Variants in BTG4 observed in about 807,000 individuals in gnomAD.
BTG4 encodes the protein BTG anti-proliferation factor 4.
In BTG4, 10 loss-of-function variants were observed where a neutral mutation model predicts 19.3. The observed-to-expected ratio is 0.52, with a 90% CI of 0.32 to 0.88. The LOEUF is 0.88. Ranked by LOEUF, BTG4 falls within the 40% of genes least tolerant of loss-of-function variation. The pLI, the probability that BTG4 is intolerant of heterozygous loss-of-function variation, is 0.04. For missense variants in BTG4, 238 were observed against 281.9 expected (o/e 0.84, Z 1.11); for synonymous variants, 91 against 95.7 (o/e 0.95, Z 0.29).
At chr11:111,385,109 A>T in the BTG4 span, 15 of 152,136 alleles carry the variant, frequency 9.9e-5, no homozygotes, top group African/African-American at 3.6e-4. Flanking sequence ...AAAAAATAAA[A>T]CAAAAGTTAA....
At chr11:111,497,181 A>T in intron 4 of BTG4, 30 bp downstream of exon 4, 1 of 1,579,594 alleles carries the variant, frequency 6.3e-7, no homozygotes, top group Non-Finnish European at 8.6e-7. Context: ...ATAGAAAAAA[A>T]GTATAGAAAA....
At chr11:111,437,420 G>A in the BTG4 span, among the ~76,000 whole-genome samples, 2 of 152,314 alleles carry the variant, frequency 1.3e-5, no homozygotes, top group East Asian at 1.9e-4. Context: ...TGGGTTGGGG[G>A]ATGAGGGGGA....
chr11:111,434,541 TATA>T, the BTG4 span, among the ~76,000 whole-genome samples: 3 of 150,360 alleles, frequency 2.0e-5, no homozygotes, highest in African/African-American at 4.9e-5. Flanking sequence ...GAACTTAAAG[TATA>T]ATAATAATTT....
the BTG4 span, among the ~76,000 whole-genome samples, chr11:111,449,097 T>C: frequency 6.6e-6 from 1 of 152,106 alleles, no homozygotes; most frequent in Non-Finnish European, 1.5e-5. Context: ...TTGCTGAATG[T>C]CTCAAGTCTC....
At chr11:111,409,082 G>C in the BTG4 span, among the ~76,000 whole-genome samples, 10 of 152,194 alleles carry the variant, frequency 6.6e-5, no homozygotes, top group Non-Finnish European at 1.5e-4. Context: ...GATGGGAATG[G>C]GTGTTTATGC....
the BTG4 span, among the ~76,000 whole-genome samples, chr11:111,406,646 G>C: frequency 6.6e-6 from 1 of 152,198 alleles, no homozygotes; most frequent in Non-Finnish European, 1.5e-5. Flanking sequence ...AGTTGGACCA[G>C]AAATGAGCAG....
chr11:111,409,253 T>C, the BTG4 span, among the ~76,000 whole-genome samples: 2 of 152,152 alleles, frequency 1.3e-5, no homozygotes, highest in African/African-American at 4.8e-5. Flanking sequence ...GTGGTTTAGA[T>C]ATAATTTGAC....
intron 5 of BTG4, among the ~76,000 whole-genome samples, chr11:111,483,047 G>A (rs569857634): frequency 6.6e-6 from 1 of 152,158 alleles, no homozygotes; most frequent in East Asian, 1.9e-4. Context: ...CCCCCTACAG[G>A]AACACCAAAT....
intron 5 of BTG4, among the ~76,000 whole-genome samples, chr11:111,489,271 G>A (rs1313511621): frequency 2.6e-5 from 4 of 152,102 alleles, no homozygotes; most frequent in Non-Finnish European, 4.4e-5. Context: ...GCATCAAAAA[G>A]ACAAGTAATA....
At chr11:111,495,411 G>T in intron 4 of BTG4, 97 bp from the exon 5 acceptor site, 1 of 1,048,748 alleles carries the variant, frequency 9.5e-7, no homozygotes, top group Non-Finnish European at 1.4e-6. Flanking sequence ...AGCATAGGGA[G>T]CACAAATGAA....
the BTG4 span, chr11:111,418,319 T>C: frequency 2.6e-5 from 4 of 152,358 alleles, no homozygotes; most frequent in African/African-American, 9.6e-5. Context: ...AGTGCTGTGC[T>C]AGATGCCATG....
the BTG4 span, among the ~76,000 whole-genome samples, chr11:111,453,778 G>C: frequency 6.6e-6 from 1 of 152,200 alleles, no homozygotes; most frequent in Non-Finnish European, 1.5e-5. Context: ...GCAATATAGA[G>C]CAGGAAAGAG....
chr11:111,504,253 C>T (rs1217396211), intron 1 of BTG4, among the ~76,000 whole-genome samples: 1 of 152,068 alleles, frequency 6.6e-6, no homozygotes, highest in Non-Finnish European at 1.5e-5. Flanking sequence ...GTAACCCACA[C>T]ATAAACTCAG....
intron 1 of BTG4, among the ~76,000 whole-genome samples, chr11:111,509,178 G>T (rs116396133): frequency 2.6e-5 from 4 of 152,060 alleles, no homozygotes; most frequent in Non-Finnish European, 5.9e-5. Context: ...TATAAAAACC[G>T]CTGGCAGTTC....
intron 5 of BTG4, among the ~76,000 whole-genome samples, chr11:111,473,021 T>A (rs1864165253): frequency 6.6e-6 from 1 of 151,900 alleles, no homozygotes; most frequent in Non-Finnish European, 1.5e-5. Context: ...CTCATGCTCT[T>A]ATAAGGTGGA....
intron 1 of BTG4, among the ~76,000 whole-genome samples, chr11:111,508,729 T>C (rs1460012981): frequency 6.6e-6 from 1 of 150,408 alleles, no homozygotes; most frequent in Non-Finnish European, 1.5e-5. Flanking sequence ...CTTTTTCATA[T>C]AACCATCTTG....
chr11:111,455,054 G>A, the BTG4 span: 8 of 455,590 alleles, frequency 1.8e-5, no homozygotes, highest in Non-Finnish European at 3.1e-5. Flanking sequence ...TCCGCTAACC[G>A]GCTTCTGAGG....
chr11:111,483,812 A>T (rs1198552845), intron 5 of BTG4, among the ~76,000 whole-genome samples: 2 of 152,188 alleles, frequency 1.3e-5, no homozygotes, highest in Admixed American at 1.3e-4. Flanking sequence ...CAGGGTAGAA[A>T]GTTCATTCAA....
the BTG4 span, among the ~76,000 whole-genome samples, chr11:111,427,000 A>G: frequency 0.92 from 140,056 of 152,260 alleles, 64,781 homozygotes; most frequent in East Asian, 1. Context: ...ATGAAAATCA[A>G]CTCCCCACAA....
Sources: allele counts gnomAD v4.1 joint callset (sites outside exome capture counted in the v4.1 genomes callset), GRCh38; gene constraint gnomAD v4.1.1; transcripts MANE v1.5; gene names NCBI Gene and HGNC (gene_info 2026-07-23, HGNC 2026-07-21).